Variants in PRKCE observed in about 807,000 individuals in gnomAD.
PRKCE encodes protein kinase C epsilon, also known as protein kinase C epsilon type.
PRKCE carries 16 observed loss-of-function variants against 85.4 expected under a neutral mutation model. That is an observed-to-expected ratio of 0.19 (90% confidence interval 0.13 to 0.28). The LOEUF (loss-of-function observed/expected upper bound fraction) is 0.28. PRKCE is among the 10% of genes least tolerant of loss of function. The probability of loss-of-function intolerance (pLI) is 1.00; values close to 1 mark genes in which losing one functional copy is unlikely to be tolerated. For synonymous variants in PRKCE, 388 were observed against 371.5 expected (o/e 1.04, Z -0.51); for missense variants, 573 against 975.2 (o/e 0.59, Z 5.49).
At chr2:45,958,622 C>A (rs112367586) in intron 2 of PRKCE, among the ~76,000 whole-genome samples, 124 of 150,138 alleles carry the variant, frequency 8.3e-4, no homozygotes, top group Non-Finnish European at 1.6e-3. Flanking sequence ...TCACACACCC[C>A]CTATGCTCCC....
intron 1 of PRKCE, among the ~76,000 whole-genome samples, chr2:45,693,249 C>T (rs1477077110): frequency 6.6e-6 from 1 of 152,102 alleles, no homozygotes; most frequent in East Asian, 1.9e-4. Flanking sequence ...GGGGTTCAGG[C>T]AGAGAGTAAA....
intron 11 of PRKCE, among the ~76,000 whole-genome samples, chr2:46,089,146 C>T (rs1194160434): frequency 2.0e-5 from 3 of 152,174 alleles, no homozygotes; most frequent in Non-Finnish European, 2.9e-5. Flanking sequence ...TGGCTGGCTC[C>T]TTCATCCTCT....
At chr2:45,773,689 G>A (rs1448097973) in intron 1 of PRKCE, among the ~76,000 whole-genome samples, 1 of 152,220 alleles carries the variant, frequency 6.6e-6, no homozygotes, top group African/African-American at 2.4e-5. Flanking sequence ...GCCTTGGCCT[G>A]GGGAAAGACG....
At chr2:45,799,027 A>G (rs573532059) in intron 1 of PRKCE, among the ~76,000 whole-genome samples, 154 of 152,116 alleles carry the variant, frequency 1.0e-3, no homozygotes, top group African/African-American at 3.5e-3. Flanking sequence ...TTAGCCGGGC[A>G]TGGTGGTGGG....
At chr2:45,803,608 C>G (rs1433091095) in intron 1 of PRKCE, among the ~76,000 whole-genome samples, 3 of 152,176 alleles carry the variant, frequency 2.0e-5, no homozygotes, top group Non-Finnish European at 4.4e-5. Context: ...CCTCTTTGGT[C>G]CCCAGCTGTA....
intron 10 of PRKCE, among the ~76,000 whole-genome samples, chr2:46,040,586 T>C (rs1708160126): frequency 6.6e-6 from 1 of 152,198 alleles, no homozygotes. Context: ...CTTAACAGGA[T>C]GTAGGGAGAG....
intron 2 of PRKCE, among the ~76,000 whole-genome samples, chr2:45,941,650 C>G (rs1002689985): frequency 1.3e-5 from 2 of 152,132 alleles, no homozygotes; most frequent in Non-Finnish European, 1.5e-5. Flanking sequence ...TGTTGAGGGA[C>G]TGAGGACCTG....
Position 46,001,863 on chromosome 2 carries a change from A to ATCTGCT in PRKCE, c.966+320_966+325dup, listed in dbSNP as rs1372858767. Among the ~76,000 whole-genome samples, 1 of 152,250 alleles carries ATCTGCT rather than the reference A, an allele frequency of 6.6e-6. No homozygotes were observed. The highest frequency in any genetic ancestry group is 1.5e-5 in the Non-Finnish European group (1 of 68,038). ...CAACTCCATACAAGGAAATGGACTT[A>ATCTGCT]TCTGCTTCCAGAACTGGCATGAAAG... On this transcript the variant is annotated intron_variant, in intron 7 of 14. Coordinates refer to ENST00000306156, the MANE Select transcript of PRKCE (RefSeq NM_005400.3). The surrounding 1 kb of genome is among the most constrained non-coding windows in gnomAD (Gnocchi z 4.4).
At chr2:45,840,761 G>A (rs1691281598) in intron 1 of PRKCE, among the ~76,000 whole-genome samples, 3 of 152,210 alleles carry the variant, frequency 2.0e-5, no homozygotes, top group Non-Finnish European at 2.9e-5. Context: ...GGGGTCAGGA[G>A]TGACTCTGGG....
At chr2:45,955,465 C>G (rs1438176375) in intron 2 of PRKCE, among the ~76,000 whole-genome samples, 2 of 151,948 alleles carry the variant, frequency 1.3e-5, no homozygotes, top group African/African-American at 4.9e-5. Context: ...CCAGCTTTCT[C>G]TGAACTCTTA....
intron 3 of PRKCE, chr2:45,978,625 C>A (rs1702643396): frequency 9.2e-6 from 2 of 217,818 alleles, no homozygotes; most frequent in Non-Finnish European, 1.8e-5. Context: ...AATGTCCATT[C>A]TATCCACAAG....
rs370566824 is a variant in PRKCE, at chr2:45,655,064, C to T, written c.348+2616C>T. Among the ~76,000 whole-genome samples the T allele has an allele frequency of 6.6e-5, 10 of 152,300 alleles. No individual in the cohort carries two copies. The East Asian group carries it at 9.7e-4, about 15-fold the overall frequency. On this transcript the variant is annotated intron_variant, in intron 1 of 14. Coordinates refer to ENST00000306156, the MANE Select transcript of PRKCE (RefSeq NM_005400.3). ...AAAGCAGCCGTTTCTCTCATTTTTG[C>T]GGAACACCGAATTCTGCCGCACTTT...
intron 1 of PRKCE, among the ~76,000 whole-genome samples, chr2:45,762,953 C>CTTTTCTT (rs769798731): frequency 9.0e-6 from 1 of 111,086 alleles, no homozygotes; most frequent in Admixed American, 1.0e-4. Flanking sequence ...CTTTTCTTTT[C>CTTTTCTT]TTCTTTTTTT....
chr2:46,053,305 T>TA (rs200835636), intron 10 of PRKCE, among the ~76,000 whole-genome samples: 1 of 151,874 alleles, frequency 6.6e-6, no homozygotes, highest in African/African-American at 2.4e-5. Flanking sequence ...TACTTTTTAA[T>TA]AAAAAAAAGT....
chr2:45,652,355 C>A lies in PRKCE; in HGVS notation c.255C>A (p.His85Gln). The change falls in exon 1 of 15, where the codon CAC becomes CAA. Residue 85 changes from histidine to glutamine, a missense_variant. Physicochemically the swap from His to Gln is conservative, Grantham distance 24. This residue lies in a region of PRKCE where 100 missense variants were observed against 177.1 expected (regional missense o/e 0.56). Coordinates refer to ENST00000306156, the MANE Select transcript of PRKCE (RefSeq NM_005400.3). The surrounding 1 kb of genome is among the most constrained non-coding windows in gnomAD (Gnocchi z 7.7). ...GCAAGATCGAGCTGGCTGTCTTTCA[C>A]GATGCCCCCATAGGCTACGACGACT... The part of the protein sequence containing the change: ...NGRKIELAVF[H>Q]DAPIGYDDFV... 1.2e-6 allele frequency: 2 copies of A among 1,613,700 alleles called. No homozygotes were observed. Among genetic ancestry groups the A allele is most frequent in the Non-Finnish European group, 1.7e-6 (2 of 1,180,028 alleles).
At chr2:46,043,905 G>A (rs1031714763) in intron 10 of PRKCE, among the ~76,000 whole-genome samples, 3 of 152,170 alleles carry the variant, frequency 2.0e-5, no homozygotes, top group Non-Finnish European at 2.9e-5. Flanking sequence ...ATCTCAAAGC[G>A]GATGCCGAAT....
chr2:46,032,553 G>T, intron 10 of PRKCE, among the ~76,000 whole-genome samples: 1 of 151,976 alleles, frequency 6.6e-6, no homozygotes, highest in Non-Finnish European at 1.5e-5. Flanking sequence ...AGTCTACCGT[G>T]TTTTTTTTCT....
chr2:45,754,991 A>T (rs1225510934), intron 1 of PRKCE, among the ~76,000 whole-genome samples: 1 of 152,184 alleles, frequency 6.6e-6, no homozygotes, highest in African/African-American at 2.4e-5. Flanking sequence ...CAGCAAGACT[A>T]CGGCGTAGAT....
At chr2:46,093,619 C>T (rs994908950) in intron 11 of PRKCE, among the ~76,000 whole-genome samples, 1 of 151,178 alleles carries the variant, frequency 6.6e-6, no homozygotes, top group Non-Finnish European at 1.5e-5. Context: ...ACCTGGAACT[C>T]CTGGATTTGA....
Sources: allele counts gnomAD v4.1 joint callset (sites outside exome capture counted in the v4.1 genomes callset), GRCh38; gene constraint gnomAD v4.1.1; regional missense constraint gnomAD v4.1.1; non-coding constraint Gnocchi (gnomAD v3.1); transcripts MANE v1.5; gene names NCBI Gene and HGNC (gene_info 2026-07-23, HGNC 2026-07-21).